SETD9: variants seen among roughly 807,000 people sequenced by gnomAD.
The protein encoded by SETD9 is SET domain containing 9.
In SETD9, 37 loss-of-function variants were observed where a neutral mutation model predicts 36.4. That is an observed-to-expected ratio of 1.02 (90% CI 0.78 to 1.34). The LOEUF is 1.34. SETD9 is among the 40% of genes most tolerant of loss of function. The pLI is 0.00. For missense variants in SETD9, 323 were observed against 353.2 expected (o/e 0.91, Z 0.69); for synonymous variants, 128 against 132.9 (o/e 0.96, Z 0.26).
At chr5:56,919,212 AC>A (rs1244833331), downstream of SETD9, among the ~76,000 whole-genome samples, 2 of 141,904 alleles carry the variant, frequency 1.4e-5, no homozygotes, top group Non-Finnish European at 3.0e-5. Flanking sequence ...TGCAACCACC[AC>A]CCCCAGGGTT....
intron 2 of SETD9, 56 bp from the exon 3 acceptor site, chr5:56,912,955 C>T: frequency 6.5e-7 from 1 of 1,548,194 alleles, no homozygotes. Flanking sequence ...GTTCTTATCG[C>T]AGTGTTTATG....
At chr5:56,911,924 GC>G (rs1333784456) in intron 2 of SETD9, among the ~76,000 whole-genome samples, 1 of 152,160 alleles carries the variant, frequency 6.6e-6, no homozygotes, top group Non-Finnish European at 1.5e-5. Context: ...ACTTTGGGAG[GC>G]CGAGGCGGGC....
chr5:56,927,150 T>C (rs1215109348), downstream of SETD9, among the ~76,000 whole-genome samples: 1 of 152,128 alleles, frequency 6.6e-6, no homozygotes. Context: ...AGCTACTCTG[T>C]ATGATACTGT....
At chr5:56,915,350 C>T (rs1482832830) in intron 5 of SETD9, among the ~76,000 whole-genome samples, 1 of 152,116 alleles carries the variant, frequency 6.6e-6, no homozygotes, top group Non-Finnish European at 1.5e-5. Context: ...GGCCAAATTA[C>T]ACTATGATTC....
chr5:56,923,295 CTTCA>C (rs768218767), intron 5 of SETD9: 5 of 1,614,056 alleles, frequency 3.1e-6, no homozygotes, highest in Non-Finnish European at 8.5e-7. Context: ...TTTACAGAAA[CTTCA>C]TTCATAAAGG....
chr5:56,928,296 C>G (rs187281153), downstream of SETD9: 459 of 152,530 alleles, frequency 3.0e-3, 1 homozygote, highest in Non-Finnish European at 5.4e-3. Flanking sequence ...CCAACGTGGC[C>G]ATACCACTTT....
chr5:56,924,080 T>G, intron 5 of SETD9: 1 of 1,585,772 alleles, frequency 6.3e-7, no homozygotes, highest in Non-Finnish European at 8.6e-7. Context: ...ACCAACAAAC[T>G]CAACCATTTT....
downstream of SETD9, among the ~76,000 whole-genome samples, chr5:56,918,535 C>T (rs1413618212): frequency 1.3e-5 from 2 of 152,194 alleles, no homozygotes; most frequent in East Asian, 1.9e-4. Flanking sequence ...CAGGCTTTTC[C>T]GTCTCCTAAA....
chr5:56,912,738 C>A (rs1749210600), intron 2 of SETD9, among the ~76,000 whole-genome samples: 1 of 151,874 alleles, frequency 6.6e-6, no homozygotes. Context: ...TATATATATA[C>A]ACATATACAT....
chr5:56,927,639 T>A (rs951115765), downstream of SETD9, among the ~76,000 whole-genome samples: 7 of 152,180 alleles, frequency 4.6e-5, no homozygotes, highest in African/African-American at 1.7e-4. Flanking sequence ...TTCCTATATA[T>A]CCTGAAGTTC....
intron 4 of SETD9, among the ~76,000 whole-genome samples, 156 bp from the exon 5 acceptor site, chr5:56,914,705 G>A (rs917158682): frequency 6.6e-6 from 1 of 151,788 alleles, no homozygotes. Context: ...ATATATATAC[G>A]TAAATAAACT....
chr5:56,910,386 C>G (rs1441148936), intron 1 of SETD9: 2 of 1,303,854 alleles, frequency 1.5e-6, no homozygotes, highest in African/African-American at 3.0e-5. Flanking sequence ...TGGTGGGTTT[C>G]GGATTGGGGT....
intron 5 of SETD9, among the ~76,000 whole-genome samples, chr5:56,916,399 AC>A (rs1427224194): frequency 3.3e-5 from 5 of 152,240 alleles, no homozygotes; most frequent in South Asian, 2.1e-4. Context: ...CTCAAAAAAA[AC>A]AAACAATATT....
chr5:56,916,222 T>C (rs554865431), intron 5 of SETD9, among the ~76,000 whole-genome samples: 1 of 152,246 alleles, frequency 6.6e-6, no homozygotes, highest in African/African-American at 2.4e-5. Flanking sequence ...TGAAACCTCA[T>C]CTCTACTAAA....
At chr5:56,922,550 A>G (rs1389192530) in intron 5 of SETD9, 2 of 153,506 alleles carry the variant, frequency 1.3e-5, no homozygotes, top group African/African-American at 4.8e-5. Flanking sequence ...ACATGAGAGA[A>G]GTTTCCATTT....
chr5:56,927,299 C>T (rs557010156), downstream of SETD9, among the ~76,000 whole-genome samples: 3 of 152,162 alleles, frequency 2.0e-5, no homozygotes, highest in East Asian at 5.8e-4. Flanking sequence ...AAATGTACCA[C>T]ACTATTAATA....
At chr5:56,913,695 T>G (rs1011840239) in intron 3 of SETD9, among the ~76,000 whole-genome samples, 179 bp from the exon 4 acceptor site, 10 of 152,062 alleles carry the variant, frequency 6.6e-5, no homozygotes, top group Non-Finnish European at 1.3e-4. Flanking sequence ...GCATTTATAC[T>G]TTGAATAAAA....
At chr5:56,927,211 A>G (rs1750033279), downstream of SETD9, among the ~76,000 whole-genome samples, 1 of 152,188 alleles carries the variant, frequency 6.6e-6, no homozygotes, top group South Asian at 2.1e-4. Context: ...GGAATGTACA[A>G]CATGAAGAGC....
chr5:56,924,345 T>C lies in SETD9; in HGVS notation c.813-988T>C, dbSNP rs531142944. ...CACCTTCACTGAAAATCTTAAACAC[T>C]AGCATTCTTTACTTTTCTTTACTGA... On this transcript the variant is annotated intron_variant, in intron 5 of 5. Transcript: ENST00000628593. 5.9e-5 allele frequency among the ~76,000 whole-genome samples: 9 copies of C among 152,312 alleles called. No homozygotes were observed. The South Asian group carries it at 1.2e-3, about 21-fold the overall frequency.
Sources: allele counts gnomAD v4.1 joint callset (sites outside exome capture counted in the v4.1 genomes callset), GRCh38; gene constraint gnomAD v4.1.1; transcripts MANE v1.5; gene names NCBI Gene and HGNC (gene_info 2026-07-23, HGNC 2026-07-21).